The following TMEM40 variants were observed in gnomAD, a reference collection of about 807,000 sequenced individuals.
TMEM40 encodes the protein transmembrane protein 40.
Under a neutral mutation model 40.8 loss-of-function variants are expected in TMEM40, and 34 were observed. The observed-to-expected ratio is 0.83, with a 90% CI of 0.63 to 1.11. The LOEUF (loss-of-function observed/expected upper bound fraction) is 1.11, where lower values mean the gene tolerates loss of function less well. Among genes scored for constraint, TMEM40 ranks in the 50% least tolerant of loss-of-function variants. The pLI, the probability that TMEM40 is intolerant of heterozygous loss-of-function variation, is 0.00. For synonymous variants in TMEM40, 106 were observed against 107.0 expected (o/e 0.99, Z 0.06); for missense variants, 296 against 280.2 (o/e 1.06, Z -0.40).
chr3:12,753,307 C>G (rs1472503036), intron 1 of TMEM40, among the ~76,000 whole-genome samples: 2 of 147,674 alleles, frequency 1.4e-5, no homozygotes, highest in African/African-American at 5.0e-5. Context: ...GCTTCAACCT[C>G]CTGGGTTCCA....
In TMEM40 at chr3:12,757,267, C is replaced by T. The variant is rs187829082; in HGVS notation, c.-9+1924G>A. Reference sequence around the variant, plus strand: ...GGCGGATCACCTGAGGTCGGGAGTTCGAGACCAGGCTGGCCAACATGGAGA... The same window carrying T: ...GGCGGATCACCTGAGGTCGGGAGTTTGAGACCAGGCTGGCCAACATGGAGA... On this transcript the variant is annotated intron_variant, in intron 1 of 11. Coordinates refer to ENST00000314124, the MANE Select transcript of TMEM40 (RefSeq NM_018306.4). Among the ~76,000 whole-genome samples the T allele has an allele frequency of 2.2e-3, 337 of 151,950 alleles. 2 individuals are homozygous for T. The highest frequency in any genetic ancestry group is 7.7e-3 in the African/African-American group (318 of 41,436).
chr3:12,762,283 TA>T (rs1559536317), upstream of TMEM40, among the ~76,000 whole-genome samples: 1 of 152,246 alleles, frequency 6.6e-6, no homozygotes, highest in Non-Finnish European at 1.5e-5. Flanking sequence ...GATATATTAT[TA>T]AAATTAGTGT....
At chr3:12,763,671 C>T (rs577002111), upstream of TMEM40, among the ~76,000 whole-genome samples, 203 of 152,202 alleles carry the variant, frequency 1.3e-3, 2 homozygotes, top group African/African-American at 4.7e-3. Flanking sequence ...ATAAAAATGG[C>T]GGGACACAGC....
chr3:12,739,234 C>T (rs1207938793), intron 5 of TMEM40: 1 of 152,174 alleles, frequency 6.6e-6, no homozygotes, highest in Non-Finnish European at 1.5e-5. Flanking sequence ...ATTTTATGTA[C>T]TACTATGTAA....
intron 1 of TMEM40, among the ~76,000 whole-genome samples, chr3:12,756,955 C>T (rs1313813750): frequency 6.6e-6 from 1 of 152,128 alleles, no homozygotes; most frequent in African/African-American, 2.4e-5. Flanking sequence ...TCTTGAACAT[C>T]AGACAGACCT....
intron 3 of TMEM40, among the ~76,000 whole-genome samples, chr3:12,747,243 C>G (rs2061436135): frequency 6.6e-6 from 1 of 151,082 alleles, no homozygotes; most frequent in Admixed American, 6.6e-5. Flanking sequence ...GTCTTAAGCT[C>G]AAGCCCACCA....
rs2061361081 is a variant in TMEM40, at chr3:12,739,023, C to T, written c.356-435G>A. 1.6e-5 allele frequency: 3 copies of T among 191,546 alleles called. No individual in the cohort carries two copies. The South Asian group carries it at 3.0e-4, about 19-fold the overall frequency. 11.9% of individuals were successfully genotyped at this position (191,546 alleles called of 1,614,324 possible). ...CAAAAATTAGCTGGGCATGGTAGCACACACCTGTAGTCCCAGCTACTCGGG... is the reference window on the plus strand; with the variant it reads ...CAAAAATTAGCTGGGCATGGTAGCATACACCTGTAGTCCCAGCTACTCGGG... On this transcript the variant is annotated intron_variant, in intron 5 of 11. Coordinates refer to ENST00000314124, the MANE Select transcript of TMEM40 (RefSeq NM_018306.4).
chr3:12,767,076 A>C (rs780357736), intron 1 of TMEM40, among the ~76,000 whole-genome samples: 41 of 152,164 alleles, frequency 2.7e-4, no homozygotes, highest in Admixed American at 7.9e-4. Flanking sequence ...ACTTTCCTCC[A>C]GGTGAGGGAA....
chr3:12,737,686 C>T, intron 8 of TMEM40, 21 bp downstream of exon 8: 1 of 1,613,716 alleles, frequency 6.2e-7, no homozygotes, highest in Non-Finnish European at 8.5e-7. Flanking sequence ...AAAAGCAGCT[C>T]TGCTACACCA....
At chr3:12,762,076 C>T (rs2061571295), upstream of TMEM40, among the ~76,000 whole-genome samples, 3 of 152,124 alleles carry the variant, frequency 2.0e-5, no homozygotes, top group African/African-American at 4.8e-5. Context: ...GATCCTCCTA[C>T]CTCAGCCTCC....
chr3:12,769,338 A>C, exon 1 of TMEM40: 1 of 290,312 alleles, frequency 3.4e-6, no homozygotes. Context: ...AGGGCTCCTC[A>C]AGTGCGGCCA....
At chr3:12,743,583 T>G (rs1480024663) in intron 4 of TMEM40, among the ~76,000 whole-genome samples, 1 of 152,244 alleles carries the variant, frequency 6.6e-6, no homozygotes, top group Non-Finnish European at 1.5e-5. Flanking sequence ...CATCCTGAGA[T>G]AACCACTATT....
chr3:12,752,438 T>C (rs1428546082), intron 1 of TMEM40, among the ~76,000 whole-genome samples: 1 of 152,206 alleles, frequency 6.6e-6, no homozygotes, highest in Middle Eastern at 3.2e-3. Context: ...TCTATTCCTA[T>C]GAAGGCTCAC....
chr3:12,768,234 A>C (rs2061603457), intron 1 of TMEM40, among the ~76,000 whole-genome samples: 1 of 152,086 alleles, frequency 6.6e-6, no homozygotes, highest in African/African-American at 2.4e-5. Flanking sequence ...CTCAGAAGTG[A>C]GCCTGCAGAC....
intron 1 of TMEM40, among the ~76,000 whole-genome samples, chr3:12,766,497 A>G (rs943902443): frequency 3.3e-5 from 5 of 151,536 alleles, no homozygotes; most frequent in African/African-American, 1.2e-4. Flanking sequence ...CGGGGGGCTG[A>G]GGCAGGAGAA....
rs765591666 is a variant in TMEM40 at position 12,755,231 on chromosome 3, C to CTT, written c.-9+3959_-9+3960insAA. Among the ~76,000 whole-genome samples, 837 of 97,792 alleles carry CTT rather than the reference C, an allele frequency of 8.6e-3. 1 individual carries two copies. Among genetic ancestry groups the CTT allele is most frequent in the African/African-American group, 0.029 (503 of 17,606 alleles). The allele number at this position is 97,792 out of a possible 152,430, so 64.2% of individuals were successfully genotyped here. A position where few individuals can be genotyped will look rare whatever the true frequency, so the allele number is the denominator to read the frequency against. On this transcript the variant is annotated intron_variant, in intron 1 of 11. Coordinates refer to ENST00000314124, the MANE Select transcript of TMEM40 (RefSeq NM_018306.4). ...TCTTTCTTTCTCTCTCTCTCTCTCT[C>CTT]TCTCTTTCTTTCTTTCTTTCTTTCT...
chr3:12,738,485 G>A, intron 6 of TMEM40, 68 bp downstream of exon 6: 1 of 1,549,258 alleles, frequency 6.5e-7, no homozygotes, highest in Non-Finnish European at 8.9e-7. Context: ...TCTCTTGGGG[G>A]AGAGGTGATG....
chr3:12,754,061 G>A (rs2061499402), intron 1 of TMEM40, among the ~76,000 whole-genome samples: 1 of 152,208 alleles, frequency 6.6e-6, no homozygotes, highest in Non-Finnish European at 1.5e-5. Flanking sequence ...AGGTCATGGA[G>A]CCACACGGGG....
At position 12,751,752 on chromosome 3, in the gene TMEM40, A is replaced by G. The variant is rs533189477; in HGVS notation, c.-8-1912T>C. 2.2e-3 allele frequency among the ~76,000 whole-genome samples: 332 copies of G among 152,278 alleles called. 1 individual carries two copies. The highest frequency in any genetic ancestry group is 7.4e-3 in the African/African-American group (308 of 41,548). On this transcript the variant is annotated intron_variant, in intron 1 of 11. Transcript: ENST00000314124. ...TCTGCACGCAACAGGTGACTAGTAC[A>G]TATTCATTGGCTGAGATCATCTCTA...
Sources: gnomAD v4.1 joint callset for allele counts (sites outside exome capture counted in the v4.1 genomes callset) on GRCh38, gnomAD v4.1.1 for gene constraint, MANE v1.5 for transcripts, NCBI Gene and HGNC (gene_info 2026-07-23, HGNC 2026-07-21) for gene names.